The following DPYD variants were observed in gnomAD, a reference collection of about 807,000 sequenced individuals.
The protein encoded by DPYD is dihydropyrimidine dehydrogenase [NADP(+)].
Under a neutral mutation model 116.2 loss-of-function variants are expected in DPYD, and 109 were observed. The ratio of observed to expected loss-of-function variants is 0.94; its 90% CI spans 0.80 to 1.10. The LOEUF is 1.10. DPYD is among the 50% of genes least tolerant of loss of function. DPYD has a pLI of 0.00. For missense variants in DPYD, 1,302 were observed against 1,254.5 expected, an observed-to-expected ratio of 1.04 and a Z score of -0.57; for synonymous variants, 440 against 432.0, an observed-to-expected ratio of 1.02 and a Z score of -0.23.
At chr1:97,744,176 T>C (rs1664422462) in intron 3 of DPYD, among the ~76,000 whole-genome samples, 1 of 152,062 alleles carries the variant, frequency 6.6e-6, no homozygotes, top group Non-Finnish European at 1.5e-5. Context: ...TAAAGATATA[T>C]TTATCCATGA....
At chr1:97,653,785 A>G (rs1398383580) in intron 8 of DPYD, among the ~76,000 whole-genome samples, 1 of 152,150 alleles carries the variant, frequency 6.6e-6, no homozygotes, top group Non-Finnish European at 1.5e-5. Context: ...TAAGTGTTAA[A>G]TGAGTAATAA....
intron 13 of DPYD, among the ~76,000 whole-genome samples, chr1:97,469,036 A>G (rs1677482511): frequency 2.0e-5 from 3 of 152,202 alleles, no homozygotes; most frequent in Admixed American, 6.5e-5. Context: ...AAATTATCAG[A>G]GCTGGCTCTG....
chr1:97,858,301 A>G (rs964818134), intron 2 of DPYD, among the ~76,000 whole-genome samples: 3 of 152,188 alleles, frequency 2.0e-5, no homozygotes, highest in Non-Finnish European at 4.4e-5. Context: ...TAGGCCACGA[A>G]TTCAAGTGTT....
chr1:97,608,296 G>T (rs1655729172), intron 8 of DPYD, among the ~76,000 whole-genome samples: 1 of 151,948 alleles, frequency 6.6e-6, no homozygotes, highest in Non-Finnish European at 1.5e-5. Context: ...ATATTTGTTT[G>T]ATTAAAAACT....
At chr1:97,285,071 T>A (rs1233706699) in intron 18 of DPYD, among the ~76,000 whole-genome samples, 2 of 152,174 alleles carry the variant, frequency 1.3e-5, no homozygotes, top group East Asian at 3.9e-4. Context: ...CTAGCAGATT[T>A]TTATGGGACT....
Position 97,686,492 on chromosome 1 carries a change from C to CCGGG in DPYD, c.762+5221_762+5224dup, listed in dbSNP as rs1172721842. 3.7e-4 allele frequency among the ~76,000 whole-genome samples: 56 copies of CCGGG among 151,428 alleles called. 1 individual carries two copies. The highest frequency in any genetic ancestry group is 7.4e-5 in the Non-Finnish European group (5 of 67,852). On this transcript the variant is annotated intron_variant, in intron 7 of 22. Transcript: ENST00000370192. ...TCTACTAAAAATACAAAAAAATTAG[C>CCGGG]CGGGCGTGGTAGCGGGAGCCTGTAG... is the stretch of plus-strand genomic sequence containing the variant.
intron 12 of DPYD, among the ~76,000 whole-genome samples, chr1:97,529,574 T>C (rs1649413739): frequency 6.6e-6 from 1 of 152,172 alleles, no homozygotes; most frequent in Non-Finnish European, 1.5e-5. Context: ...CATGTTACTA[T>C]CACTACAATC....
chr1:97,599,978 G>A (rs1168060190), intron 8 of DPYD, among the ~76,000 whole-genome samples: 2 of 150,748 alleles, frequency 1.3e-5, no homozygotes, highest in Admixed American at 1.3e-4. Context: ...CTGGGAGGCA[G>A]AGGTTGCAGT....
chr1:97,693,118 G>A (rs994018764), intron 6 of DPYD, among the ~76,000 whole-genome samples: 11 of 151,428 alleles, frequency 7.3e-5, no homozygotes, highest in Admixed American at 2.6e-4. Context: ...GTGAAACCCC[G>A]TCTCTACTAA....
chr1:97,080,365 TA>T, intron 22 of DPYD, among the ~76,000 whole-genome samples: 1 of 148,908 alleles, frequency 6.7e-6, no homozygotes, highest in African/African-American at 2.5e-5. Flanking sequence ...TATATGTGTG[TA>T]TATATATATA....
At chr1:97,518,720 A>C (rs1648416444) in intron 12 of DPYD, among the ~76,000 whole-genome samples, 2 of 152,156 alleles carry the variant, frequency 1.3e-5, no homozygotes, top group African/African-American at 4.8e-5. Context: ...TTAGTAAATA[A>C]CAGATATAAG....
At chr1:97,556,166 C>T (rs1392611860) in intron 11 of DPYD, among the ~76,000 whole-genome samples, 1 of 152,042 alleles carries the variant, frequency 6.6e-6, no homozygotes, top group African/African-American at 2.4e-5. Context: ...TAAGGTGCCT[C>T]CCCCTTGTTG....
At chr1:97,583,958 T>C (rs1419278421) in intron 10 of DPYD, among the ~76,000 whole-genome samples, 1 of 152,262 alleles carries the variant, frequency 6.6e-6, no homozygotes, top group Non-Finnish European at 1.5e-5. Context: ...CAAATGGTAT[T>C]TCTAGTTCTA....
At chr1:97,898,241 G>A (rs747195340) in intron 1 of DPYD, among the ~76,000 whole-genome samples, 10 of 151,672 alleles carry the variant, frequency 6.6e-5, no homozygotes, top group Non-Finnish European at 1.0e-4. Context: ...TCCCACATGC[G>A]TATACTAATC....
rs1557933402 is a variant in DPYD at position 97,751,492 on chromosome 1, A to ATATG, written c.234-11017_234-11014dup. On this transcript the variant is annotated intron_variant, in intron 3 of 22. Coordinates refer to ENST00000370192, the MANE Select transcript of DPYD (RefSeq NM_000110.4). ...TATATATATATATATATATATATAT[A>ATATG]TATGGCAGGGGACAGTGGCTCACGC... Among the ~76,000 whole-genome samples, 4 of 134,656 alleles carry ATATG rather than the reference A, an allele frequency of 3.0e-5. No homozygotes were observed. The East Asian group carries it at 9.0e-4, about 30-fold the overall frequency. 88.3% of individuals were successfully genotyped at this position (134,656 alleles called of 152,430 possible).
chr1:97,325,928 T>C (rs1668684178), intron 16 of DPYD, among the ~76,000 whole-genome samples: 2 of 151,844 alleles, frequency 1.3e-5, no homozygotes, highest in Admixed American at 6.6e-5. Context: ...TTTTGAAAGA[T>C]TTTGTGCCTT....
chr1:97,401,163 G>A (rs12047072), intron 14 of DPYD, among the ~76,000 whole-genome samples: 3 of 151,906 alleles, frequency 2.0e-5, no homozygotes, highest in African/African-American at 4.8e-5. Context: ...AATCTGGTTC[G>A]TTGTTTTCTT....
At chr1:97,539,151 A>C (rs1650233603) in intron 12 of DPYD, among the ~76,000 whole-genome samples, 1 of 152,170 alleles carries the variant, frequency 6.6e-6, no homozygotes, top group African/African-American at 2.4e-5. Context: ...TTGACTTCAA[A>C]TGCTGGCTGC....
At chr1:97,211,742 C>T (rs1352101932) in intron 19 of DPYD, among the ~76,000 whole-genome samples, 1 of 152,080 alleles carries the variant, frequency 6.6e-6, no homozygotes, top group Non-Finnish European at 1.5e-5. Context: ...TATAGAAATG[C>T]TTCCTACCCA....
Sources: gnomAD v4.1 joint callset for allele counts (sites outside exome capture counted in the v4.1 genomes callset) on GRCh38, gnomAD v4.1.1 for gene constraint, MANE v1.5 for transcripts, NCBI Gene and HGNC (gene_info 2026-07-23, HGNC 2026-07-21) for gene names.